LHPP: variants seen among roughly 807,000 people sequenced by gnomAD.
The protein encoded by LHPP is hLHPP.
LHPP carries 24 observed loss-of-function variants against 30.3 expected under a neutral mutation model. That is an observed-to-expected ratio of 0.79 (90% CI 0.57 to 1.11). The LOEUF is 1.11. Among genes scored for constraint, LHPP ranks in the 50% most tolerant of loss-of-function variants. LHPP has a pLI of 0.00. For synonymous variants in LHPP, 150 were observed against 157.1 expected, an observed-to-expected ratio of 0.95 and a Z score of 0.34; for missense variants, 356 against 367.2, an observed-to-expected ratio of 0.97 and a Z score of 0.25.
In LHPP at chr10:124,484,321, A is replaced by G. The variant is rs1375163418; in HGVS notation, c.308A>G (p.His103Arg). 3.1e-6 allele frequency: 5 copies of G among 1,612,160 alleles called. No homozygotes were observed. The highest frequency in any genetic ancestry group is 4.2e-6 in the Non-Finnish European group (5 of 1,178,552). Residue 103 changes from histidine (H) to arginine (R), a missense_variant, in exon 2 of 7, where the codon CAT becomes CGT. By Grantham distance (29) the His-to-Arg change is conservative. Coordinates refer to ENST00000368842, the MANE Select transcript of LHPP (RefSeq NM_022126.4). The part of the protein sequence containing the change: ...EQGLRPYLLI[H>R]DGVRSEFDQI... ...GGCCTGCGACCATACCTGCTCATCCATGACGGTAGGCCTGTCGGACACCAG... is the reference window on the plus strand; with the variant it reads ...GGCCTGCGACCATACCTGCTCATCCGTGACGGTAGGCCTGTCGGACACCAG...
At chr10:124,492,702 C>A (rs35523578) in intron 3 of LHPP, among the ~76,000 whole-genome samples, 1 of 152,086 alleles carries the variant, frequency 6.6e-6, no homozygotes, top group African/African-American at 2.4e-5. Context: ...TAAATTAACC[C>A]TTGTAGTCCC....
intron 1 of LHPP, among the ~76,000 whole-genome samples, chr10:124,480,910 G>T (rs559652577): frequency 6.6e-6 from 1 of 152,314 alleles, no homozygotes; most frequent in Non-Finnish European, 1.5e-5. Flanking sequence ...GCTCATTTCA[G>T]TGCAGAAACA....
intron 6 of LHPP, among the ~76,000 whole-genome samples, chr10:124,602,315 G>A (rs1009029353): frequency 1.3e-5 from 2 of 152,260 alleles, no homozygotes; most frequent in East Asian, 1.9e-4. Flanking sequence ...ATGGCGCGCT[G>A]TGCAGAGCAC....
chr10:124,575,299 C>T (rs1227627534), intron 6 of LHPP, among the ~76,000 whole-genome samples: 1 of 152,132 alleles, frequency 6.6e-6, no homozygotes, highest in Non-Finnish European at 1.5e-5. Flanking sequence ...CAACGCACCA[C>T]TCAGCCTAAC....
chr10:124,529,732 A>G (rs4391773), intron 6 of LHPP, among the ~76,000 whole-genome samples: 79,467 of 151,756 alleles, frequency 0.52, 21,512 homozygotes, highest in South Asian at 0.68. Context: ...CCCTGGAGCC[A>G]TGCAGAGATG....
rs10682827 is a variant in LHPP at position 124,470,648 on chromosome 10, T to TAACAACAACAACAACAAC, written c.125+8679_125+8696dup. Among the ~76,000 whole-genome samples, 41 of 145,028 alleles carry TAACAACAACAACAACAAC rather than the reference T, an allele frequency of 2.8e-4. 1 individual carries two copies. The highest frequency in any genetic ancestry group is 2.0e-3 in the South Asian group (9 of 4,508). On this transcript the variant is annotated intron_variant, in intron 1 of 6. Coordinates refer to ENST00000368842, the MANE Select transcript of LHPP (RefSeq NM_022126.4). ...AGGTCCCTGGGAGTAGCAGCAATAGTAACAACAACAACAACAACAACAACA... is the reference window on the plus strand; with the variant it reads ...AGGTCCCTGGGAGTAGCAGCAATAGTAACAACAACAACAACAACAACAACAACAACAACAACAACAACA...
At chr10:124,572,842 TC>T (rs1948608036) in intron 6 of LHPP, among the ~76,000 whole-genome samples, 1 of 152,162 alleles carries the variant, frequency 6.6e-6, no homozygotes, top group Non-Finnish European at 1.5e-5. Flanking sequence ...TCGCTGCTGC[TC>T]CCATCCAGCT....
At chr10:124,481,748 G>A (rs927258799) in intron 1 of LHPP, among the ~76,000 whole-genome samples, 3 of 151,972 alleles carry the variant, frequency 2.0e-5, no homozygotes, top group Non-Finnish European at 4.4e-5. Context: ...CATACCCCAC[G>A]CTGCTCGAGT....
chr10:124,540,047 T>C (rs1955142897), intron 6 of LHPP, among the ~76,000 whole-genome samples: 1 of 152,236 alleles, frequency 6.6e-6, no homozygotes, highest in Non-Finnish European at 1.5e-5. Context: ...TTTCTTGGTG[T>C]TCTCATCAGT....
intron 6 of LHPP, among the ~76,000 whole-genome samples, chr10:124,591,596 G>A (rs576186470): frequency 7.7e-4 from 117 of 152,120 alleles, no homozygotes; most frequent in African/African-American, 2.7e-3. Context: ...CTGTGTCCGT[G>A]TCTCTGTTAT....
chr10:124,523,312 G>C lies in LHPP; in HGVS notation c.716+6041G>C, dbSNP rs1305015211. The stretch of plus-strand genomic sequence containing the variant: ...GTGCTGAAGGGGTTTCCCCCCAGTG[G>C]GGTGGCCAGCCGATCTAGGATTCCA... On this transcript the variant is annotated intron_variant, in intron 6 of 6. Coordinates refer to ENST00000368842, the MANE Select transcript of LHPP (RefSeq NM_022126.4). This position sits in a 1 kb window ranked among gnomAD's most constrained non-coding sequence, Gnocchi z 4.2. 6.6e-6 allele frequency among the ~76,000 whole-genome samples: 1 copy of C among 152,206 alleles called. No homozygotes were observed. The highest frequency in any genetic ancestry group is 1.5e-5 in the Non-Finnish European group (1 of 68,040).
rs200256756 is a variant in LHPP at position 124,496,936 on chromosome 10, C to T, written c.468-25C>T. 23 of 1,606,886 alleles carry T rather than the reference C, an allele frequency of 1.4e-5. No individual in the cohort carries two copies. Among genetic ancestry groups the T allele is most frequent in the African/African-American group, 8.0e-5 (6 of 74,734 alleles). ...GGTCAGCTCCCCGTGCTCAGCATCC[C>T]GTGCTCCGTTCTGCTCTCTCCTAGG... On this transcript the variant is annotated intron_variant, in intron 3 of 6. Transcript: ENST00000368842. The surrounding 1 kb of genome is among the most constrained non-coding windows in gnomAD (Gnocchi z 4.3).
In LHPP at chr10:124,593,646, G is replaced by C. The variant is rs1196395863; in HGVS notation, c.717-19618G>C. Among the ~76,000 whole-genome samples the C allele has an allele frequency of 6.6e-6, 1 of 152,224 alleles. No homozygotes were observed. The highest frequency in any genetic ancestry group is 1.5e-5 in the Non-Finnish European group (1 of 68,030). ...GGACCTGATGGGCAGATCCCCCAGG[G>C]CACTCTATCCAGAGGGTGGTGGACC... is the stretch of plus-strand genomic sequence containing the variant. On this transcript the variant is annotated intron_variant, in intron 6 of 6. Transcript: ENST00000368842. This position sits in a 1 kb window ranked among gnomAD's most constrained non-coding sequence, Gnocchi z 4.9.
intron 6 of LHPP, among the ~76,000 whole-genome samples, chr10:124,518,031 A>G (rs953117423): frequency 2.6e-5 from 4 of 152,192 alleles, no homozygotes; most frequent in Non-Finnish European, 4.4e-5. Flanking sequence ...GGGTGGGGGC[A>G]GTTACATTTG....
intron 5 of LHPP, 160 bp downstream of exon 5, chr10:124,498,288 G>T: frequency 6.4e-7 from 1 of 1,568,090 alleles, no homozygotes. Flanking sequence ...GGAGGGGGAA[G>T]ACAGCAAACG....
chr10:124,493,106 A>G (rs1835093268), intron 3 of LHPP, among the ~76,000 whole-genome samples: 2 of 102,460 alleles, frequency 2.0e-5, no homozygotes, highest in African/African-American at 7.0e-5. Flanking sequence ...CAGAACAGGT[A>G]TATTGTTGAA....
rs373928707 is a variant in LHPP, at chr10:124,513,389, G to A, written c.625-3791G>A. ...ATCAGATTTTGGAGTAGGGGAGTGA[G>A]AGGAGCTGGTTGGTGGTGGTTTTTT... On this transcript the variant is annotated intron_variant, in intron 5 of 6. Transcript: ENST00000368842. Among the ~76,000 whole-genome samples, 180 of 151,576 alleles carry A rather than the reference G, an allele frequency of 1.2e-3. 4 individuals are homozygous for A. The South Asian group carries it at 0.036, about 31-fold the overall frequency.
At chr10:124,587,738 TAAAAAAAAAAA>T (rs747954796) in intron 6 of LHPP, among the ~76,000 whole-genome samples, 6 of 53,004 alleles carry the variant, frequency 1.1e-4, no homozygotes, top group East Asian at 6.2e-4. Flanking sequence ...AGACTCCATC[TAAAAAAAAAAA>T]AAAAAAAAAA....
chr10:124,572,413 T>C (rs541894407), intron 6 of LHPP, among the ~76,000 whole-genome samples: 103 of 151,914 alleles, frequency 6.8e-4, no homozygotes, highest in Non-Finnish European at 1.4e-3. Context: ...GGTGGACCAC[T>C]TGAGGTCAGG....
Sources: allele counts gnomAD v4.1 joint callset (sites outside exome capture counted in the v4.1 genomes callset), GRCh38; gene constraint gnomAD v4.1.1; non-coding constraint Gnocchi (gnomAD v3.1); transcripts MANE v1.5; gene names NCBI Gene and HGNC (gene_info 2026-07-23, HGNC 2026-07-21).